The following ARHGAP29 variants were observed in gnomAD, a reference collection of about 807,000 sequenced individuals.
ARHGAP29 encodes Rho GTPase activating protein 29.
ARHGAP29 carries 43 observed loss-of-function variants against 122.6 expected under a neutral mutation model. That is an observed-to-expected ratio of 0.35 (90% CI 0.27 to 0.45). The LOEUF is 0.45. Ranked by LOEUF, ARHGAP29 falls within the 20% of genes least tolerant of loss-of-function variation. The probability of loss-of-function intolerance (pLI) is 1.00; values close to 1 mark genes in which losing one functional copy is unlikely to be tolerated. For missense variants in ARHGAP29, 1,303 were observed against 1,477.2 expected (o/e 0.88, Z 1.93); for synonymous variants, 506 against 497.1 (o/e 1.02, Z -0.24).
chr1:94,199,753 A>G (rs886529210), intron 12 of ARHGAP29, among the ~76,000 whole-genome samples: 1 of 152,150 alleles, frequency 6.6e-6, no homozygotes, highest in Non-Finnish European at 1.5e-5. Context: ...TAAAAGCTCT[A>G]CTTAGCTTTC....
chr1:94,300,882 C>G, the ARHGAP29 span, among the ~76,000 whole-genome samples: 2 of 152,150 alleles, frequency 1.3e-5, no homozygotes, highest in Non-Finnish European at 2.9e-5. Flanking sequence ...AGAATTCATA[C>G]CAGGTTACTG....
In ARHGAP29 at chr1:94,177,917, G is replaced by A. The variant is rs781193279; in HGVS notation, c.2731C>T (p.Leu911=). 9 of 1,614,096 alleles carry A rather than the reference G, an allele frequency of 5.6e-6. No individual in the cohort carries two copies. The South Asian group carries it at 9.9e-5, about 18-fold the overall frequency. The change falls in exon 21 of 23, where the codon CTG becomes TTG. Residue 911 remains leucine, a synonymous_variant. Coordinates refer to ENST00000260526, the MANE Select transcript of ARHGAP29 (RefSeq NM_004815.4). ...VVDQGCFPKP[L]LSPEERDIER... ...ATGTCTCTTTCTTCTGGTGATAACA[G>A]AGGCTTTGGAAAACAGCCTTGATCA...
chr1:94,204,244 C>G (rs1289139534), intron 7 of ARHGAP29, among the ~76,000 whole-genome samples: 3 of 151,844 alleles, frequency 2.0e-5, no homozygotes, highest in Admixed American at 2.0e-4. Flanking sequence ...AAGTGATCTT[C>G]CAGCCTCAGC....
At chr1:94,280,413 G>A in the ARHGAP29 span, among the ~76,000 whole-genome samples, 1 of 152,136 alleles carries the variant, frequency 6.6e-6, no homozygotes, top group South Asian at 2.1e-4. Flanking sequence ...CTGGAGAAGA[G>A]AGCCAGACCA....
chr1:94,179,783 T>G lies in ARHGAP29; in HGVS notation c.2422A>C (p.Arg808=), dbSNP rs775785523. The change falls in exon 20 of 23, where the codon AGA becomes CGA. Residue 808 remains arginine, a synonymous_variant. Coordinates refer to ENST00000260526, the MANE Select transcript of ARHGAP29 (RefSeq NM_004815.4). ...TTAAAATTTGATGCTGGCAATTGTC[T>G]TAGAAGGTCTTTGCTTTTTAGAAGA... is the stretch of plus-strand genomic sequence containing the variant. ...RILLKSKDLL[R]QLPASNFNSL... is the part of the protein sequence containing the mutation. 11 of 1,613,562 alleles carry G rather than the reference T, an allele frequency of 6.8e-6. No homozygotes were observed. In the African/African-American group the frequency reaches 1.2e-4, roughly 18 times the overall value.
intron 1 of ARHGAP29, among the ~76,000 whole-genome samples, chr1:94,256,390 C>T (rs999751822): frequency 6.6e-6 from 1 of 151,900 alleles, no homozygotes; most frequent in Non-Finnish European, 1.5e-5. Flanking sequence ...AAAGAAAATG[C>T]CCCCAGAACC....
At chr1:94,219,966 C>T (rs74102125) in intron 3 of ARHGAP29, among the ~76,000 whole-genome samples, 5 of 152,150 alleles carry the variant, frequency 3.3e-5, no homozygotes, top group Admixed American at 2.0e-4. Flanking sequence ...CCAATCACCT[C>T]GAAAGAGCGT....
intron 5 of ARHGAP29, among the ~76,000 whole-genome samples, chr1:94,206,949 T>C (rs1022828626): frequency 1.3e-5 from 2 of 149,952 alleles, no homozygotes; most frequent in Admixed American, 1.3e-4. Context: ...TTGCAATATA[T>C]ATATTCAAAT....
intron 7 of ARHGAP29, among the ~76,000 whole-genome samples, chr1:94,204,408 G>C (rs563928536): frequency 2.6e-5 from 4 of 152,326 alleles, no homozygotes; most frequent in Non-Finnish European, 2.9e-5. Flanking sequence ...ACCTAGGCTT[G>C]TGTACTGACC....
upstream of ARHGAP29, among the ~76,000 whole-genome samples, chr1:94,279,312 G>C (rs1655279816): frequency 6.6e-6 from 1 of 152,130 alleles, no homozygotes; most frequent in South Asian, 2.1e-4. Flanking sequence ...CCCTTTGTCT[G>C]TGCTAGACCC....
At chr1:94,253,477 A>C (rs1654190905) in intron 1 of ARHGAP29, among the ~76,000 whole-genome samples, 1 of 152,186 alleles carries the variant, frequency 6.6e-6, no homozygotes, top group East Asian at 1.9e-4. Flanking sequence ...AACATGTTTA[A>C]ATATGAAATT....
intron 1 of ARHGAP29, among the ~76,000 whole-genome samples, chr1:94,263,334 C>A (rs935553985): frequency 6.6e-6 from 1 of 151,886 alleles, no homozygotes; most frequent in South Asian, 2.1e-4. Flanking sequence ...GTAAAACAAA[C>A]CCCTGTGACA....
chr1:94,205,577 A>G, intron 6 of ARHGAP29, 58 bp downstream of exon 6: 2 of 1,456,064 alleles, frequency 1.4e-6, no homozygotes, highest in South Asian at 2.4e-5. Context: ...AATCCAGGAC[A>G]TTCATAGAAA....
chr1:94,201,384 G>A (rs762625635), intron 12 of ARHGAP29, among the ~76,000 whole-genome samples: 6 of 152,146 alleles, frequency 3.9e-5, no homozygotes, highest in East Asian at 1.9e-4. Context: ...TCTAAATCCC[G>A]TAAGAATTGT....
chr1:94,307,398 T>C, the ARHGAP29 span, among the ~76,000 whole-genome samples: 1 of 152,172 alleles, frequency 6.6e-6, no homozygotes, highest in Non-Finnish European at 1.5e-5. Flanking sequence ...CTCTAGAAAA[T>C]GTGGGCAAAT....
At chr1:94,257,412 A>G (rs1396751122) in intron 1 of ARHGAP29, among the ~76,000 whole-genome samples, 1 of 151,986 alleles carries the variant, frequency 6.6e-6, no homozygotes. Context: ...AAAAACAACA[A>G]AAAAAAGAAT....
rs1326027907 is a variant in ARHGAP29, at chr1:94,185,005, T to C, written c.1976A>G (p.His659Arg). 1.9e-5 allele frequency: 31 copies of C among 1,612,992 alleles called. No homozygotes were observed. Among genetic ancestry groups the C allele is most frequent in the Non-Finnish European group, 2.4e-5 (28 of 1,179,726 alleles). ...GTGTATTTTTCCTGGAAGTTTCTGATGACCACAAATAATGACTAAATTTTC... is the reference window on the plus strand; with the variant it reads ...GTGTATTTTTCCTGGAAGTTTCTGACGACCACAAATAATGACTAAATTTTC... ...CLENLVIICG[H>R]QKLPGKIHLF... The change falls in exon 18 of 23, where the codon CAT (histidine) becomes CGT (arginine). Residue 659 changes from histidine to arginine, a missense_variant. His to Arg is a conservative substitution (Grantham distance 29). Coordinates refer to ENST00000260526, the MANE Select transcript of ARHGAP29 (RefSeq NM_004815.4).
chr1:94,238,355 C>T (rs1440871864), upstream of ARHGAP29, among the ~76,000 whole-genome samples: 1 of 152,016 alleles, frequency 6.6e-6, no homozygotes, highest in Admixed American at 6.5e-5. Context: ...AAGCATGAGC[C>T]ACTGTGCCCG....
In ARHGAP29 at chr1:94,177,598, A is replaced by T. The variant is rs757390400; in HGVS notation, c.2905+14T>A. On this transcript the variant is annotated intron_variant, in intron 22 of 22. Transcript: ENST00000260526. Reference sequence around the variant, plus strand: ...AAGCCAGCAAACATATTTTTTTTTTACATGGCTACTCACCACTGAGACATG... The same window carrying T: ...AAGCCAGCAAACATATTTTTTTTTTTCATGGCTACTCACCACTGAGACATG... 5 of 1,561,348 alleles carry T rather than the reference A, an allele frequency of 3.2e-6. No individual in the cohort carries two copies. The Admixed American group carries it at 5.8e-5, about 18-fold the overall frequency.
Sources: allele counts gnomAD v4.1 joint callset (sites outside exome capture counted in the v4.1 genomes callset), GRCh38; gene constraint gnomAD v4.1.1; transcripts MANE v1.5; gene names NCBI Gene and HGNC (gene_info 2026-07-23, HGNC 2026-07-21).